DPP10: variants seen among roughly 807,000 people sequenced by gnomAD.
DPP10 encodes the protein dipeptidyl peptidase like 10, also known as inactive dipeptidyl peptidase 10.
In DPP10, 33 loss-of-function variants were observed where a neutral mutation model predicts 120.9. That is an observed-to-expected ratio of 0.27 (90% CI 0.21 to 0.37). DPP10 has a LOEUF of 0.37. DPP10 is among the 10% of genes least tolerant of loss of function. DPP10 has a pLI of 1.00. For missense variants in DPP10, 816 were observed against 942.8 expected (o/e 0.87, Z 1.76); for synonymous variants, 337 against 326.1 (o/e 1.03, Z -0.36).
chr2:114,443,549 G>A (rs1036657863), intron 1 of DPP10, among the ~76,000 whole-genome samples: 1 of 151,492 alleles, frequency 6.6e-6, no homozygotes, highest in Non-Finnish European at 1.5e-5. Flanking sequence ...GTTTTTATTC[G>A]GGATGCTCTT....
At chr2:114,897,313 A>T (rs978681317) in intron 1 of DPP10, among the ~76,000 whole-genome samples, 3 of 152,138 alleles carry the variant, frequency 2.0e-5, no homozygotes, top group African/African-American at 7.2e-5. Context: ...AAAGAATGGT[A>T]CCAGTTCCTC....
At chr2:115,128,079 G>T (rs1269328766) in intron 1 of DPP10, among the ~76,000 whole-genome samples, 1 of 152,064 alleles carries the variant, frequency 6.6e-6, no homozygotes, top group Admixed American at 6.6e-5. Context: ...TTCCCCTCTG[G>T]ATGCAATTAA....
At chr2:114,548,504 G>A (rs1309477408) in intron 1 of DPP10, among the ~76,000 whole-genome samples, 1 of 152,150 alleles carries the variant, frequency 6.6e-6, no homozygotes, top group Admixed American at 6.5e-5. Context: ...CTAGTTACAG[G>A]CTGCTTGTGA....
At position 115,441,605 on chromosome 2, in the gene DPP10, G is replaced by A. The variant is rs577474842; in HGVS notation, c.272-57905G>A. Among the ~76,000 whole-genome samples, 46 of 152,098 alleles carry A rather than the reference G, an allele frequency of 3.0e-4. No homozygotes were observed. In the South Asian group the frequency reaches 7.5e-3, roughly 25 times the overall value. On this transcript the variant is annotated intron_variant, in intron 3 of 25. Coordinates refer to ENST00000410059, the MANE Select transcript of DPP10 (RefSeq NM_020868.6). ...TACCTGTCTCAACAATGTTTAATACGGTAGCCACTAGTCTATGTTAGACTA... is the reference window on the plus strand; with the variant it reads ...TACCTGTCTCAACAATGTTTAATACAGTAGCCACTAGTCTATGTTAGACTA...
At chr2:115,423,662 G>A (rs1489275773) in intron 3 of DPP10, among the ~76,000 whole-genome samples, 2 of 152,086 alleles carry the variant, frequency 1.3e-5, no homozygotes, top group East Asian at 1.9e-4. Flanking sequence ...GGACATCATA[G>A]ATTATAAAAG....
At chr2:115,340,693 A>G (rs2063400356) in intron 2 of DPP10, among the ~76,000 whole-genome samples, 1 of 151,742 alleles carries the variant, frequency 6.6e-6, no homozygotes, top group Non-Finnish European at 1.5e-5. Context: ...AATATGTGGA[A>G]CTCATTAGGA....
intron 5 of DPP10, among the ~76,000 whole-genome samples, chr2:115,627,479 C>A (rs1354747917): frequency 2.0e-5 from 3 of 152,136 alleles, no homozygotes; most frequent in African/African-American, 7.2e-5. Context: ...CCCCAGTACT[C>A]ATGGGAGGAT....
intron 1 of DPP10, among the ~76,000 whole-genome samples, chr2:115,010,347 A>C (rs1450680733): frequency 1.3e-5 from 2 of 152,192 alleles, no homozygotes; most frequent in African/African-American, 4.8e-5. Flanking sequence ...TGCCTCATTA[A>C]ATAAGTTAAT....
At chr2:114,678,366 A>ATT (rs1184871176) in intron 1 of DPP10, among the ~76,000 whole-genome samples, 4 of 151,920 alleles carry the variant, frequency 2.6e-5, no homozygotes, top group Non-Finnish European at 5.9e-5. Context: ...CTAACCCTAT[A>ATT]TTTCCATAGG....
chr2:114,916,628 G>A lies in DPP10; in HGVS notation c.61-392611G>A, dbSNP rs575658573. Among the ~76,000 whole-genome samples the A allele has an allele frequency of 1.8e-4, 28 of 152,194 alleles. No homozygotes were observed. The East Asian group carries it at 2.1e-3, about 12-fold the overall frequency. On this transcript the variant is annotated intron_variant, in intron 1 of 25. Transcript: ENST00000410059. The stretch of plus-strand genomic sequence containing the variant: ...GCACATCAAAAAGCTAGTCCACCAC[G>A]GTCAAGTAGGCTTTATTCCTAGGAT...
At chr2:114,544,147 A>G (rs1236350275) in intron 1 of DPP10, among the ~76,000 whole-genome samples, 2 of 152,138 alleles carry the variant, frequency 1.3e-5, no homozygotes, top group East Asian at 3.9e-4. Context: ...TGCTTTGGGG[A>G]AAAAGTAGAA....
chr2:114,554,519 G>T (rs1021174438), intron 1 of DPP10, among the ~76,000 whole-genome samples: 1 of 152,196 alleles, frequency 6.6e-6, no homozygotes, highest in Non-Finnish European at 1.5e-5. Context: ...AACAGTCCGC[G>T]TGGGAGGAGA....
intron 3 of DPP10, among the ~76,000 whole-genome samples, chr2:115,472,375 A>T (rs975640512): frequency 6.6e-6 from 1 of 152,212 alleles, no homozygotes; most frequent in East Asian, 1.9e-4. Flanking sequence ...TTTTTAAAAA[A>T]TTTCAAGTAG....
intron 1 of DPP10, among the ~76,000 whole-genome samples, chr2:114,715,563 CACT>C (rs1287383881): frequency 8.6e-5 from 13 of 151,930 alleles, no homozygotes; most frequent in African/African-American, 2.7e-4. Flanking sequence ...GCCTAGGTAC[CACT>C]ATCTGCCTAC....
At chr2:114,847,472 G>A (rs1480939882) in intron 1 of DPP10, among the ~76,000 whole-genome samples, 1 of 152,118 alleles carries the variant, frequency 6.6e-6, no homozygotes, top group Non-Finnish European at 1.5e-5. Flanking sequence ...TGAAAATAGG[G>A]ACACATTCTT....
At position 115,332,773 on chromosome 2, in the gene DPP10, C is replaced by T. The variant is rs971467568; in HGVS notation, c.176-11044C>T. 1.7e-4 allele frequency among the ~76,000 whole-genome samples: 26 copies of T among 152,088 alleles called. 1 individual carries two copies. Among genetic ancestry groups the T allele is most frequent in the Admixed American group, 1.4e-3 (22 of 15,254 alleles). The stretch of plus-strand genomic sequence containing the variant: ...TTAATCCTGAGTTCCAGTTTGATTG[C>T]GCTGTGGTCTGAGAGACAGTTTTTT... On this transcript the variant is annotated intron_variant, in intron 2 of 25. Coordinates refer to ENST00000410059, the MANE Select transcript of DPP10 (RefSeq NM_020868.6).
At chr2:115,713,593 C>A (rs1234448058) in intron 7 of DPP10, among the ~76,000 whole-genome samples, 1 of 152,230 alleles carries the variant, frequency 6.6e-6, no homozygotes, top group East Asian at 1.9e-4. Context: ...TTCATTGAAG[C>A]TCCTTGTTCT....
chr2:114,455,453 G>A lies in DPP10; in HGVS notation c.60+12615G>A, dbSNP rs1409516175. On this transcript the variant is annotated intron_variant, in intron 1 of 25. Transcript: ENST00000410059. Reference sequence around the variant, plus strand: ...CCAGCTACATGGGAGGCTGAGGCAGGAGAATCGCCTGAACCTGGGATGCGG... The same window carrying A: ...CCAGCTACATGGGAGGCTGAGGCAGAAGAATCGCCTGAACCTGGGATGCGG... 2.6e-5 allele frequency among the ~76,000 whole-genome samples: 4 copies of A among 151,814 alleles called. No individual in the cohort carries two copies. The East Asian group carries it at 7.7e-4, about 29-fold the overall frequency.
At chr2:114,470,963 T>C (rs13011555) in intron 1 of DPP10, among the ~76,000 whole-genome samples, 40,613 of 152,142 alleles carry the variant, frequency 0.27, 6,708 homozygotes, top group Admixed American at 0.4. Flanking sequence ...TATTAGTGCA[T>C]TGTAGGGACA....
Sources: allele counts gnomAD v4.1 joint callset (sites outside exome capture counted in the v4.1 genomes callset), GRCh38; gene constraint gnomAD v4.1.1; transcripts MANE v1.5; gene names NCBI Gene and HGNC (gene_info 2026-07-23, HGNC 2026-07-21).